The following COL12A1 variants were observed in gnomAD, a reference collection of about 807,000 sequenced individuals.
COL12A1 encodes the protein collagen alpha-1(XII) chain.
Under a neutral mutation model 349.7 loss-of-function variants are expected in COL12A1, and 114 were observed. The observed-to-expected ratio is 0.33, with a 90% CI of 0.28 to 0.38. The LOEUF is 0.38. COL12A1 is among the 10% of genes least tolerant of loss of function. The pLI is 1.00. For missense variants in COL12A1, 3,284 were observed against 3,756.9 expected, an observed-to-expected ratio of 0.87 and a Z score of 3.29; for synonymous variants, 1,369 against 1,329.0, an observed-to-expected ratio of 1.03 and a Z score of -0.66.
At chr6:75,111,371 G>A (rs1768832559) in intron 51 of COL12A1, among the ~76,000 whole-genome samples, 1 of 151,758 alleles carries the variant, frequency 6.6e-6, no homozygotes, top group Non-Finnish European at 1.5e-5. Context: ...GAGGCAAATG[G>A]TATAAAGAAG....
chr6:75,199,684 T>G (rs780867722), intron 2 of COL12A1, among the ~76,000 whole-genome samples: 23 of 152,194 alleles, frequency 1.5e-4, no homozygotes, highest in Non-Finnish European at 3.4e-4. Context: ...TCTAGGCCAC[T>G]CAGATACAGT....
intron 30 of COL12A1, among the ~76,000 whole-genome samples, 158 bp from the exon 31 acceptor site, chr6:75,137,737 C>T (rs905831957): frequency 6.6e-6 from 1 of 152,052 alleles, no homozygotes; most frequent in Admixed American, 6.5e-5. Context: ...TAAATGACTC[C>T]TTAGTATGGA....
intron 59 of COL12A1, among the ~76,000 whole-genome samples, chr6:75,096,430 T>C (rs972418089): frequency 6.6e-6 from 1 of 152,186 alleles, no homozygotes; most frequent in Non-Finnish European, 1.5e-5. Flanking sequence ...CGATCTCACC[T>C]GGATGCAAGT....
At chr6:75,165,270 G>GAA (rs1042411684) in intron 14 of COL12A1, among the ~76,000 whole-genome samples, 2 of 134,820 alleles carry the variant, frequency 1.5e-5, no homozygotes, top group Non-Finnish European at 3.2e-5. Context: ...CATTGCACCA[G>GAA]AAAAAAAAAA....
intron 3 of COL12A1, 33 bp downstream of exon 3, chr6:75,194,798 C>T (rs1770133215): frequency 3.0e-6 from 4 of 1,336,068 alleles, no homozygotes; most frequent in Non-Finnish European, 3.2e-6. Context: ...CATCATGATG[C>T]TTCTGTCCTA....
At chr6:75,183,750 A>C in intron 9 of COL12A1, 98 bp from the exon 10 acceptor site, 1 of 1,538,954 alleles carries the variant, frequency 6.5e-7, no homozygotes. Context: ...TTAAAAAAAA[A>C]ACTATTGCAA....
Position 75,104,625 on chromosome 6 carries a change from A to G in COL12A1, c.8265+581T>C, listed in dbSNP as rs148437402. On this transcript the variant is annotated intron_variant, in intron 54 of 65. Coordinates refer to ENST00000322507, the MANE Select transcript of COL12A1 (RefSeq NM_004370.6). ...GGTTTCACATTGATCAATGAACTCT[A>G]TCACTGCAATCTTCAATGTTTTGCC... is the stretch of plus-strand genomic sequence containing the variant. Among the ~76,000 whole-genome samples, 969 of 152,324 alleles carry G rather than the reference A, an allele frequency of 6.4e-3. 9 individuals are homozygous for G. Among genetic ancestry groups the G allele is most frequent in the Non-Finnish European group, 0.011 (763 of 68,022 alleles).
rs777199969 is a variant in COL12A1, at chr6:75,183,935, T to C, written c.1207A>G (p.Ser403Gly). 1.2e-6 allele frequency: 2 copies of C among 1,614,174 alleles called. No homozygotes were observed. Among genetic ancestry groups the C allele is most frequent in the South Asian group, 2.2e-5 (2 of 91,088 alleles). The part of the protein sequence containing the change: ...DLSADTEYQI[S>G]VSAMKGMTSS... ...GTCATTCCCTTCATGGCGGAAACAC[T>C]GATCTGGTATTCTGTGTCTGCTGAG... Residue 403 changes from serine to glycine, a missense_variant, in exon 9 of 66, where the codon AGT becomes GGT. Physicochemically the swap from Ser to Gly is moderately conservative, Grantham distance 56. Transcript: ENST00000322507.
intron 65 of COL12A1, 29 bp downstream of exon 65, chr6:75,087,548 T>C (rs1767560631): frequency 1.2e-6 from 2 of 1,610,320 alleles, no homozygotes; most frequent in African/African-American, 1.3e-5. Context: ...TTCAGGTGAG[T>C]TGGGGTTCCT....
intron 9 of COL12A1, 26 bp downstream of exon 9, chr6:75,183,828 A>G (rs1048241620): frequency 3.1e-6 from 5 of 1,608,610 alleles, no homozygotes; most frequent in Non-Finnish European, 4.3e-6. Context: ...CATATTCCAA[A>G]TACAATGATG....
rs767232468 is a variant in COL12A1, at chr6:75,146,106, T to A, written c.4556A>T (p.Lys1519Ile). 2.0e-5 allele frequency: 32 copies of A among 1,595,856 alleles called. No homozygotes were observed. The highest frequency in any genetic ancestry group is 2.5e-5 in the Non-Finnish European group (29 of 1,173,164). Residue 1519 changes from lysine to isoleucine, a missense_variant, in exon 24 of 66, where the codon AAA (lysine) becomes ATA (isoleucine). Physicochemically the swap from Lys to Ile is moderately radical, Grantham distance 102. Around this residue, in one of 2 missense-constraint regions of COL12A1, gnomAD observed 2,601 missense variants for 2,824.8 expected, o/e 0.92. Coordinates refer to ENST00000322507, the MANE Select transcript of COL12A1 (RefSeq NM_004370.6). ...AAAGAAACAAACATCTTTCACCTCTTTGGGTCTTGTTGGCTCTGTGTCCTT... is the reference window on the plus strand; with the variant it reads ...AAAGAAACAAACATCTTTCACCTCTATGGGTCTTGTTGGCTCTGTGTCCTT... ...PVKDTEPTRPKEVRLGPTVND... is the reference protein window; with the variant it reads ...PVKDTEPTRPIEVRLGPTVND...
rs1236499281 is a variant in COL12A1 at position 75,140,655 on chromosome 6, C to CAAAAAAAAAAAAAAA, written c.4957+1362_4957+1376dup. ...TGGGTGACAGAGCGAGACTCTGTCT[C>CAAAAAAAAAAAAAAA]AAAAAAAAAAAAAAAAAAAAAAAGC... is the stretch of plus-strand genomic sequence containing the variant. On this transcript the variant is annotated intron_variant, in intron 27 of 65. Coordinates refer to ENST00000322507, the MANE Select transcript of COL12A1 (RefSeq NM_004370.6). 3.7e-3 allele frequency among the ~76,000 whole-genome samples: 170 copies of CAAAAAAAAAAAAAAA among 46,126 alleles called. 15 individuals carry two copies. Among genetic ancestry groups the CAAAAAAAAAAAAAAA allele is most frequent in the African/African-American group, 0.014 (160 of 11,144 alleles). 30.3% of individuals were successfully genotyped at this position (46,126 alleles called of 152,430 possible). A position where few individuals can be genotyped will look rare whatever the true frequency, so the allele number is the denominator to read the frequency against.
intron 47 of COL12A1, 33 bp from the exon 48 acceptor site, chr6:75,116,090 A>T (rs752700816): frequency 2.5e-6 from 4 of 1,606,224 alleles, no homozygotes; most frequent in Non-Finnish European, 3.4e-6. Flanking sequence ...AGTATGATTC[A>T]CCAACACGAT....
At chr6:75,106,592 C>G in intron 52 of COL12A1, 96 bp from the exon 53 acceptor site, 1 of 1,023,914 alleles carries the variant, frequency 9.8e-7, no homozygotes, top group Non-Finnish European at 1.5e-6. Flanking sequence ...CTCACACATA[C>G]TCTCTCAAGG....
In COL12A1 at chr6:75,109,004, A is replaced by T. The variant is rs750417570; in HGVS notation, c.8100+14T>A. The T allele has an allele frequency of 1.2e-6, 2 of 1,604,230 alleles. No individual in the cohort carries two copies. The highest frequency in any genetic ancestry group is 1.7e-6 in the Non-Finnish European group (2 of 1,177,102). ...AACACAAGGTACCAAGAGAAATAAA[A>T]ATGTGTTACTCACTGCGGCTGATTT... On this transcript the variant is annotated intron_variant, in intron 52 of 65. Coordinates refer to ENST00000322507, the MANE Select transcript of COL12A1 (RefSeq NM_004370.6).
At chr6:75,189,190 G>A in intron 7 of COL12A1, 27 bp downstream of exon 7, 1 of 1,606,558 alleles carries the variant, frequency 6.2e-7, no homozygotes, top group Admixed American at 1.7e-5. Flanking sequence ...GTTGTAAAAT[G>A]GAAATAATTA....
chr6:75,195,050 T>G, intron 2 of COL12A1, 103 bp from the exon 3 acceptor site: 1 of 636,758 alleles, frequency 1.6e-6, no homozygotes, highest in Non-Finnish European at 2.6e-6. Flanking sequence ...AAATTGTCTT[T>G]GCATAAATTT....
chr6:75,095,330 A>G (rs922288323), intron 59 of COL12A1, 151 bp from the exon 60 acceptor site: 10 of 631,424 alleles, frequency 1.6e-5, no homozygotes, highest in Non-Finnish European at 2.2e-5. Flanking sequence ...AGATAACATG[A>G]AATAGGGCCG....
chr6:75,183,375 T>C lies in COL12A1; in HGVS notation c.1566A>G (p.Ala522=), dbSNP rs1223605511. 1 of 1,614,244 alleles carries C rather than the reference T, an allele frequency of 6.2e-7. No individual in the cohort carries two copies. The highest frequency in any genetic ancestry group is 8.5e-7 in the Non-Finnish European group (1 of 1,180,046). Residue 522 remains alanine, a synonymous_variant, in exon 10 of 66, where the codon GCA becomes GCG. Coordinates refer to ENST00000322507, the MANE Select transcript of COL12A1 (RefSeq NM_004370.6). ...YRGGSTNTGK[A]MTYVREKIFV... ...ATATTTTCTCTCTGACATAAGTCAT[T>C]GCTTTGCCAGTATTTGTAGATCCTC...
Sources: gnomAD v4.1 joint callset for allele counts (sites outside exome capture counted in the v4.1 genomes callset) on GRCh38, gnomAD v4.1.1 for gene constraint, gnomAD v4.1.1 regional missense constraint, MANE v1.5 for transcripts, NCBI Gene and HGNC (gene_info 2026-07-23, HGNC 2026-07-21) for gene names.